PRDM15: variants seen among roughly 807,000 people sequenced by gnomAD.
PRDM15 encodes the protein PR domain zinc finger protein 15.
In PRDM15, 64 loss-of-function variants were observed where a neutral mutation model predicts 128.6. That is an observed-to-expected ratio of 0.50 (90% CI 0.41 to 0.61). PRDM15 has a LOEUF of 0.61. Among genes scored for constraint, PRDM15 ranks in the 20% least tolerant of loss-of-function variants. PRDM15 has a pLI of 0.00. For synonymous variants in PRDM15, 615 were observed against 621.8 expected (o/e 0.99, Z 0.16); for missense variants, 1,242 against 1,569.1 (o/e 0.79, Z 3.52).
intron 6 of PRDM15, among the ~76,000 whole-genome samples, chr21:41,843,981 A>G (rs541541195): frequency 2.6e-5 from 4 of 151,950 alleles, no homozygotes; most frequent in Admixed American, 6.5e-5. Context: ...AGAAAGAAAG[A>G]AAGTTTAAAT....
chr21:41,835,925 C>T (rs2062864636), intron 10 of PRDM15, among the ~76,000 whole-genome samples, 188 bp downstream of exon 10: 1 of 148,880 alleles, frequency 6.7e-6, no homozygotes, highest in Non-Finnish European at 1.5e-5. Flanking sequence ...TCTCCTCCCT[C>T]CCCCACAGGG....
chr21:41,877,940 G>A (rs925620155), intron 1 of PRDM15, among the ~76,000 whole-genome samples: 4 of 152,388 alleles, frequency 2.6e-5, no homozygotes, highest in Admixed American at 2.6e-4. Flanking sequence ...ATCGTTCACC[G>A]TGAGGCAGCG....
intron 19 of PRDM15, chr21:41,812,314 G>C (rs2061891554): frequency 6.6e-6 from 1 of 152,216 alleles, no homozygotes; most frequent in African/African-American, 2.4e-5. Context: ...TTTCCACAAA[G>C]TGCATGAACA....
Position 41,810,891 on chromosome 21 carries a change from A to G in PRDM15, c.2393-55T>C, listed in dbSNP as rs1401955890. On this transcript the variant is annotated intron_variant, in intron 19 of 23. Coordinates refer to ENST00000398548, the MANE Select transcript of PRDM15 (RefSeq NM_001040424.3). This position sits in a 1 kb window ranked among gnomAD's most constrained non-coding sequence, Gnocchi z 6.4. Reference sequence around the variant, plus strand: ...CGTTTAATGAGTGTTGTAAGTCCACATCAGGGCATGTCTTCTCCCTGACAC... The same window carrying G: ...CGTTTAATGAGTGTTGTAAGTCCACGTCAGGGCATGTCTTCTCCCTGACAC... 3 of 1,521,366 alleles carry G rather than the reference A, an allele frequency of 2.0e-6. No individual in the cohort carries two copies. Among genetic ancestry groups the G allele is most frequent in the Non-Finnish European group, 2.7e-6 (3 of 1,096,082 alleles). 94.2% of individuals were successfully genotyped at this position (1,521,366 alleles called of 1,614,324 possible).
chr21:41,809,226 A>G lies in PRDM15; in HGVS notation c.2652+928T>C, dbSNP rs112120203. Among the ~76,000 whole-genome samples, 959 of 145,090 alleles carry G rather than the reference A, an allele frequency of 6.6e-3. 7 individuals carry two copies. Among genetic ancestry groups the G allele is most frequent in the African/African-American group, 0.023 (901 of 39,688 alleles). On this transcript the variant is annotated intron_variant, in intron 21 of 23. Transcript: ENST00000398548. Reference sequence around the variant, plus strand: ...GTCTAACACAGCCATGGCCTATGCAAATTTTTTCTTTTTTTTTTTTTTTTG... The same window carrying G: ...GTCTAACACAGCCATGGCCTATGCAGATTTTTTCTTTTTTTTTTTTTTTTG...
intron 4 of PRDM15, among the ~76,000 whole-genome samples, 160 bp downstream of exon 4, chr21:41,857,016 A>G (rs1183396381): frequency 2.0e-5 from 3 of 152,274 alleles, no homozygotes; most frequent in Non-Finnish European, 4.4e-5. Flanking sequence ...CAATGTAAAA[A>G]GAAACATTTT....
chr21:41,823,246 CTGACTG>C, intron 14 of PRDM15, 66 bp downstream of exon 14: 1 of 1,567,524 alleles, frequency 6.4e-7, no homozygotes, highest in Non-Finnish European at 8.6e-7. Flanking sequence ...TCTGCTATGG[CTGACTG>C]TGACAGACGC....
At chr21:41,805,909 C>A (rs2061551524) in intron 21 of PRDM15, among the ~76,000 whole-genome samples, 1 of 150,960 alleles carries the variant, frequency 6.6e-6, no homozygotes, top group Non-Finnish European at 1.5e-5. Context: ...ACCCTCATCA[C>A]CACCAACACT....
chr21:41,856,556 C>G lies in PRDM15; in HGVS notation c.285+620G>C, dbSNP rs569310574. Among the ~76,000 whole-genome samples, 10 of 152,104 alleles carry G rather than the reference C, an allele frequency of 6.6e-5. No homozygotes were observed. In the South Asian group the frequency reaches 2.1e-3, roughly 32 times the overall value. On this transcript the variant is annotated intron_variant, in intron 4 of 23. Transcript: ENST00000398548. ...CTTGGGGTACGATACAGAGGGCAGG[C>G]ATGGCAACAGTCAAAAACCAGCCTC...
rs549548471 is a variant in PRDM15 at position 41,867,754 on chromosome 21, G to A, written c.-9-7382C>T. ...AAATCTTCTCCATCTGTACAATTTTGTCATTTCAAGAATGTCACATAGGCT... is the reference window on the plus strand; with the variant it reads ...AAATCTTCTCCATCTGTACAATTTTATCATTTCAAGAATGTCACATAGGCT... On this transcript the variant is annotated intron_variant, in intron 1 of 23. Coordinates refer to ENST00000398548, the MANE Select transcript of PRDM15 (RefSeq NM_001040424.3). Among the ~76,000 whole-genome samples, 4 of 152,272 alleles carry A rather than the reference G, an allele frequency of 2.6e-5. No individual in the cohort carries two copies. In the South Asian group the frequency reaches 8.3e-4, roughly 32 times the overall value.
chr21:41,829,202 CACAT>C (rs1452976768), intron 11 of PRDM15, among the ~76,000 whole-genome samples: 4,592 of 145,848 alleles, frequency 0.031, 209 homozygotes, highest in African/African-American at 0.11. Context: ...CACACACATA[CACAT>C]ACATGTCACA....
intron 21 of PRDM15, among the ~76,000 whole-genome samples, chr21:41,806,397 CCACCACCACCACCAT>C (rs759882576): frequency 0.11 from 3,880 of 36,200 alleles, 137 homozygotes; most frequent in Non-Finnish European, 0.16. Flanking sequence ...ACCACCATCA[CCACCACCACCACCAT>C]CACCACCACC....
Position 41,854,541 on chromosome 21 carries a change from C to G in PRDM15, c.538+25G>C, listed in dbSNP as rs778548183. Reference sequence around the variant, plus strand: ...TCGGCGAGGCACAAGGGAAGGTGGGCTCCGGATCGGGGGCCGCCACATACC... The same window carrying G: ...TCGGCGAGGCACAAGGGAAGGTGGGGTCCGGATCGGGGGCCGCCACATACC... On this transcript the variant is annotated intron_variant, in intron 5 of 23. Transcript: ENST00000398548. The surrounding 1 kb of genome is among the most constrained non-coding windows in gnomAD (Gnocchi z 4.6). 8 of 1,610,078 alleles carry G rather than the reference C, an allele frequency of 5.0e-6. No individual in the cohort carries two copies. Among genetic ancestry groups the G allele is most frequent in the Non-Finnish European group, 6.8e-6 (8 of 1,179,840 alleles).
intron 11 of PRDM15, among the ~76,000 whole-genome samples, chr21:41,830,641 C>A (rs2062655203): frequency 6.6e-6 from 1 of 151,814 alleles, no homozygotes; most frequent in East Asian, 1.9e-4. Context: ...ATACTCAACA[C>A]ACACACCACA....
chr21:41,829,805 A>T (rs951129338), intron 11 of PRDM15, among the ~76,000 whole-genome samples: 1 of 151,440 alleles, frequency 6.6e-6, no homozygotes, highest in South Asian at 2.1e-4. Context: ...TACACTCAAC[A>T]TACACCACAC....
rs1390653720 is a variant in PRDM15 at position 41,828,635 on chromosome 21, C to T, written c.1367-302G>A. 6.6e-6 allele frequency among the ~76,000 whole-genome samples: 1 copy of T among 152,012 alleles called. No individual in the cohort carries two copies. The highest frequency in any genetic ancestry group is 1.5e-5 in the Non-Finnish European group (1 of 67,982). On this transcript the variant is annotated intron_variant, in intron 11 of 23. Coordinates refer to ENST00000398548, the MANE Select transcript of PRDM15 (RefSeq NM_001040424.3). The surrounding 1 kb of genome is among the most constrained non-coding windows in gnomAD (Gnocchi z 5.7). The stretch of plus-strand genomic sequence containing the variant: ...CCACAGCACCTGGGGACGATGACTC[C>T]ACTTCCGTCAGGAAAGCTGCCCAGT...
chr21:41,824,609 GGACA>G (rs2062402972), intron 13 of PRDM15, among the ~76,000 whole-genome samples: 1 of 152,212 alleles, frequency 6.6e-6, no homozygotes, highest in African/African-American at 2.4e-5. Flanking sequence ...AGAGGTCAGT[GGACA>G]GAAAGACTGG....
chr21:41,807,934 C>G (rs2061734288), intron 21 of PRDM15, among the ~76,000 whole-genome samples: 1 of 152,132 alleles, frequency 6.6e-6, no homozygotes, highest in African/African-American at 2.4e-5. Flanking sequence ...GTTGAAGGAG[C>G]AGAGCACAGA....
rs1033135625 is a variant in PRDM15, at chr21:41,810,155, T to C, written c.2651A>G (p.Glu884Gly). The C allele has an allele frequency of 1.9e-6, 3 of 1,604,916 alleles. No individual in the cohort carries two copies. The highest frequency in any genetic ancestry group is 2.5e-6 in the Non-Finnish European group (3 of 1,176,736). The change falls in exon 21 of 24, where the codon GAG becomes GGG. Residue 884 changes from glutamate (E) to glycine (G), a missense_variant and splice_region_variant. Coordinates refer to ENST00000398548, the MANE Select transcript of PRDM15 (RefSeq NM_001040424.3). The surrounding 1 kb of genome is among the most constrained non-coding windows in gnomAD (Gnocchi z 6.4). ...MSRHMRRKHP[E>G]VLAVRIDDLD... ...GAGGGGGCACAGCCACCAGCTCACC[T>C]CGGGGTGCTTGCGCCGCATGTGTCG...
Sources: allele counts gnomAD v4.1 joint callset (sites outside exome capture counted in the v4.1 genomes callset), GRCh38; gene constraint gnomAD v4.1.1; non-coding constraint Gnocchi (gnomAD v3.1); transcripts MANE v1.5; gene names NCBI Gene and HGNC (gene_info 2026-07-23, HGNC 2026-07-21).